The following SIK3 variants were observed in gnomAD, a reference collection of about 807,000 sequenced individuals.
SIK3 encodes the protein SIK family kinase 3, also known as serine/threonine-protein kinase SIK3.
A neutral mutation model predicts 144.2 loss-of-function variants in SIK3; 28 were observed. That is an observed-to-expected ratio of 0.19 (90% CI 0.14 to 0.27). The LOEUF is 0.27. Ranked by LOEUF, SIK3 falls within the 10% of genes least tolerant of loss-of-function variation. SIK3 has a pLI of 1.00. For missense variants in SIK3, 1,319 were observed against 1,776.0 expected, an observed-to-expected ratio of 0.74 and a Z score of 4.62; for synonymous variants, 686 against 676.3, an observed-to-expected ratio of 1.01 and a Z score of -0.22.
chr11:116,884,963 G>A (rs955191892), intron 6 of SIK3, among the ~76,000 whole-genome samples: 2 of 152,112 alleles, frequency 1.3e-5, no homozygotes, highest in Non-Finnish European at 1.5e-5. Context: ...TCAGTTGCTC[G>A]GGGGAAGAAA....
intron 1 of SIK3, among the ~76,000 whole-genome samples, chr11:117,064,246 G>A (rs1030815506): frequency 1.3e-5 from 2 of 152,238 alleles, no homozygotes; most frequent in South Asian, 2.1e-4. Context: ...AATTTAGAGT[G>A]CCTGTATTAT....
chr11:117,042,136 G>A (rs1952769019), intron 1 of SIK3, among the ~76,000 whole-genome samples: 1 of 152,098 alleles, frequency 6.6e-6, no homozygotes, highest in Admixed American at 6.6e-5. Flanking sequence ...GAGGGTTACA[G>A]AAGGCTCATG....
At chr11:116,960,935 T>C (rs1203182513) in intron 1 of SIK3, among the ~76,000 whole-genome samples, 2 of 152,210 alleles carry the variant, frequency 1.3e-5, no homozygotes, top group Non-Finnish European at 2.9e-5. Flanking sequence ...AACACATCAA[T>C]TCCTTATTCA....
chr11:116,866,763 G>A (rs1379320192), intron 15 of SIK3, among the ~76,000 whole-genome samples: 1 of 152,096 alleles, frequency 6.6e-6, no homozygotes, highest in Non-Finnish European at 1.5e-5. Flanking sequence ...TAGTGTGTAC[G>A]AACACTGTAA....
Position 116,917,827 on chromosome 11 carries a change from G to GAAAGGAAAGGA in SIK3, c.616+9391_616+9392insTCCTTTCCTTT, listed in dbSNP as rs140214554. 3.1e-3 allele frequency among the ~76,000 whole-genome samples: 322 copies of GAAAGGAAAGGA among 104,990 alleles called. 11 individuals are homozygous for GAAAGGAAAGGA. The South Asian group carries it at 0.059, about 19-fold the overall frequency. The allele number at this position is 104,990 out of a possible 152,430, so 68.9% of individuals were successfully genotyped here. On this transcript the variant is annotated intron_variant, in intron 4 of 24. Transcript: ENST00000445177. ...GAGGAAGGAAAGAAGGAAGAAGAAG[G>GAAAGGAAAGGA]AAGGAAAGGAAAGGAAAGGAAAGGA...
At chr11:116,953,718 A>G (rs1247442808) in intron 3 of SIK3, among the ~76,000 whole-genome samples, 1 of 152,238 alleles carries the variant, frequency 6.6e-6, no homozygotes, top group Non-Finnish European at 1.5e-5. Context: ...GTTCTGTCGC[A>G]CTTGGTAACC....
chr11:116,932,594 C>CA (rs1471471130), intron 3 of SIK3, among the ~76,000 whole-genome samples: 1 of 151,962 alleles, frequency 6.6e-6, no homozygotes, highest in Non-Finnish European at 1.5e-5. Context: ...TTTTTTGTAT[C>CA]AAAAAAAGAT....
At chr11:116,888,436 A>G (rs556950476) in intron 6 of SIK3, among the ~76,000 whole-genome samples, 1 of 152,226 alleles carries the variant, frequency 6.6e-6, no homozygotes, top group Non-Finnish European at 1.5e-5. Context: ...CAGAAAAAGG[A>G]CTCTGGGACA....
chr11:117,057,844 G>T (rs1475869879), intron 1 of SIK3, among the ~76,000 whole-genome samples: 1 of 152,100 alleles, frequency 6.6e-6, no homozygotes, highest in Admixed American at 6.5e-5. Flanking sequence ...ACAACTCATA[G>T]GGTTGCTATG....
chr11:116,868,236 G>T, intron 14 of SIK3, 147 bp from the exon 15 acceptor site: 1 of 1,047,576 alleles, frequency 9.5e-7, no homozygotes, highest in Non-Finnish European at 1.4e-6. Flanking sequence ...CTGCCTGGAT[G>T]GAAGTGAGAC....
chr11:117,023,550 C>T (rs1004711173), intron 1 of SIK3, among the ~76,000 whole-genome samples: 1 of 144,432 alleles, frequency 6.9e-6, no homozygotes, highest in East Asian at 2.0e-4. Flanking sequence ...GGACTATAGT[C>T]ATGTGCCACT....
intron 1 of SIK3, among the ~76,000 whole-genome samples, chr11:117,076,991 AC>A (rs1177423061): frequency 1.3e-5 from 2 of 152,206 alleles, no homozygotes; most frequent in Non-Finnish European, 2.9e-5. Flanking sequence ...CACTGTCTAT[AC>A]TAAAAATAAA....
intron 1 of SIK3, among the ~76,000 whole-genome samples, chr11:117,021,425 C>A (rs946709777): frequency 6.6e-6 from 1 of 152,140 alleles, no homozygotes; most frequent in African/African-American, 2.4e-5. Context: ...CAGAATTTTC[C>A]AAACATTAAC....
intron 1 of SIK3, among the ~76,000 whole-genome samples, chr11:116,961,724 C>G (rs1949354448): frequency 1.3e-5 from 2 of 152,054 alleles, no homozygotes; most frequent in African/African-American, 4.8e-5. Flanking sequence ...CTTTTATCTT[C>G]CAAAGAGCAT....
chr11:117,088,211 T>C (rs1413901117), intron 1 of SIK3, among the ~76,000 whole-genome samples: 1 of 152,172 alleles, frequency 6.6e-6, no homozygotes, highest in Non-Finnish European at 1.5e-5. Flanking sequence ...CACTCCAGCC[T>C]TAGGTGACAA....
chr11:117,023,605 CAAACA>C (rs1158125913), intron 1 of SIK3, among the ~76,000 whole-genome samples: 1,672 of 64,056 alleles, frequency 0.026, 38 homozygotes, highest in Middle Eastern at 0.075. Context: ...AACAAACAAA[CAAACA>C]AAAAAAAAAA....
intron 1 of SIK3, among the ~76,000 whole-genome samples, chr11:117,094,200 C>G (rs1955370153): frequency 6.6e-6 from 1 of 152,160 alleles, no homozygotes; most frequent in Admixed American, 6.5e-5. Context: ...TTATCCAAAG[C>G]TGGAACTCTT....
intron 1 of SIK3, among the ~76,000 whole-genome samples, chr11:117,047,564 T>C (rs1234267406): frequency 2.6e-5 from 4 of 152,354 alleles, no homozygotes; most frequent in African/African-American, 7.2e-5. Context: ...CTAGATATTC[T>C]TAGACATGTC....
intron 1 of SIK3, among the ~76,000 whole-genome samples, chr11:117,007,649 A>G (rs893912232): frequency 6.6e-6 from 1 of 152,176 alleles, no homozygotes; most frequent in Non-Finnish European, 1.5e-5. Context: ...CCCCTCAGGG[A>G]CTCACAATTA....
Sources: allele counts gnomAD v4.1 joint callset (sites outside exome capture counted in the v4.1 genomes callset), GRCh38; gene constraint gnomAD v4.1.1; transcripts MANE v1.5; gene names NCBI Gene and HGNC (gene_info 2026-07-23, HGNC 2026-07-21).